Variants in PKNOX2 observed in about 807,000 individuals in gnomAD.
The protein encoded by PKNOX2 is homeobox protein PKNOX2.
PKNOX2 carries 14 observed loss-of-function variants against 53.1 expected under a neutral mutation model. The observed-to-expected ratio is 0.26, with a 90% CI of 0.17 to 0.41. The LOEUF (loss-of-function observed/expected upper bound fraction) is 0.41. PKNOX2 is among the 10% of genes least tolerant of loss of function. The pLI is 1.00. For missense variants in PKNOX2, 496 were observed against 602.8 expected, an observed-to-expected ratio of 0.82 and a Z score of 1.85; for synonymous variants, 257 against 242.8, an observed-to-expected ratio of 1.06 and a Z score of -0.54.
chr11:125,356,119 T>C (rs1424541783), intron 4 of PKNOX2, among the ~76,000 whole-genome samples: 3 of 150,586 alleles, frequency 2.0e-5, no homozygotes, highest in Non-Finnish European at 4.4e-5. Flanking sequence ...AAGACAAATA[T>C]TGTATCTGGT....
intron 7 of PKNOX2, among the ~76,000 whole-genome samples, chr11:125,402,474 C>T (rs895334312): frequency 1.3e-5 from 2 of 152,198 alleles, no homozygotes; most frequent in East Asian, 3.9e-4. Flanking sequence ...AGCCTCAGCT[C>T]TATTCCAGGC....
intron 10 of PKNOX2, among the ~76,000 whole-genome samples, chr11:125,415,354 G>A (rs982739309): frequency 3.4e-5 from 5 of 149,248 alleles, no homozygotes; most frequent in Non-Finnish European, 1.5e-5. Context: ...AAGTTCAAGC[G>A]ATTCTCCTGC....
intron 7 of PKNOX2, among the ~76,000 whole-genome samples, chr11:125,404,606 CACACAAACACACACATCACACACACACAA>C (rs896434343): frequency 1.3e-5 from 2 of 151,564 alleles, no homozygotes; most frequent in African/African-American, 4.9e-5. Flanking sequence ...CGCGGGCACA[CACACAAACACACACATCACACACACACAA>C]ACACACACAC....
chr11:125,174,891 C>A (rs1955592546), intron 1 of PKNOX2, among the ~76,000 whole-genome samples: 1 of 152,110 alleles, frequency 6.6e-6, no homozygotes, highest in Non-Finnish European at 1.5e-5. Context: ...TGGGAGGAGA[C>A]AACTGGTTTC....
intron 3 of PKNOX2, among the ~76,000 whole-genome samples, chr11:125,336,423 A>G (rs1048475028): frequency 4.0e-5 from 6 of 151,712 alleles, no homozygotes; most frequent in African/African-American, 1.5e-4. Context: ...AATTTGTATT[A>G]CTTTGATAAG....
intron 2 of PKNOX2, among the ~76,000 whole-genome samples, chr11:125,317,649 T>G (rs1478723696): frequency 1.3e-5 from 2 of 152,226 alleles, no homozygotes; most frequent in East Asian, 1.9e-4. Context: ...CTTAAAATAT[T>G]CAGTAAACCA....
rs112383764 is a variant in PKNOX2, at chr11:125,287,571, C to A, written c.-129-44248C>A. Among the ~76,000 whole-genome samples, 98 of 152,294 alleles carry A rather than the reference C, an allele frequency of 6.4e-4. 1 individual carries two copies. The highest frequency in any genetic ancestry group is 2.3e-3 in the African/African-American group (95 of 41,582). ...CCGTCTTTAGCTGGGGCAGTCACTC[C>A]CTCCCAGCTCCTTCCAAAGCTTAGG... is the stretch of plus-strand genomic sequence containing the variant. On this transcript the variant is annotated intron_variant, in intron 2 of 12. Transcript: ENST00000298282.
At chr11:125,262,833 G>A (rs898569265) in intron 2 of PKNOX2, among the ~76,000 whole-genome samples, 12 of 151,684 alleles carry the variant, frequency 7.9e-5, no homozygotes, top group Non-Finnish European at 1.3e-4. Flanking sequence ...TCTCCCATGC[G>A]TTCCCTCCTG....
intron 1 of PKNOX2, among the ~76,000 whole-genome samples, chr11:125,233,656 A>G (rs1942423390): frequency 6.6e-6 from 1 of 152,172 alleles, no homozygotes; most frequent in Admixed American, 6.5e-5. Flanking sequence ...ATGCAGGTGT[A>G]AGGAGACAGC....
chr11:125,236,514 TG>T (rs1164960602), intron 2 of PKNOX2, among the ~76,000 whole-genome samples: 1 of 152,124 alleles, frequency 6.6e-6, no homozygotes, highest in Non-Finnish European at 1.5e-5. Flanking sequence ...TGAACCTTAA[TG>T]AGAGCTGAGA....
At chr11:125,178,696 G>GAGAAAGAA (rs61132513) in intron 1 of PKNOX2, among the ~76,000 whole-genome samples, 15 of 70,108 alleles carry the variant, frequency 2.1e-4, no homozygotes, top group African/African-American at 6.0e-4. Context: ...GAGAGAGAGA[G>GAGAAAGAA]AGAAAGAAAG....
At chr11:125,228,654 G>A (rs1941931473) in intron 1 of PKNOX2, among the ~76,000 whole-genome samples, 1 of 152,202 alleles carries the variant, frequency 6.6e-6, no homozygotes, top group South Asian at 2.1e-4. Flanking sequence ...TATGTGGCCT[G>A]CTTTGCAAGT....
chr11:125,256,889 C>A (rs1016147960), intron 2 of PKNOX2, among the ~76,000 whole-genome samples: 1 of 152,162 alleles, frequency 6.6e-6, no homozygotes, highest in Non-Finnish European at 1.5e-5. Context: ...AACATCAAAG[C>A]TTTCCTTGTG....
chr11:125,236,100 TAA>T (rs1361732182), intron 2 of PKNOX2, among the ~76,000 whole-genome samples: 2 of 152,178 alleles, frequency 1.3e-5, no homozygotes, highest in Non-Finnish European at 2.9e-5. Context: ...CACCTCTGTG[TAA>T]AAATAGATTG....
At position 125,240,679 on chromosome 11, in the gene PKNOX2, T is replaced by C. The variant is rs958944060; in HGVS notation, c.-130+5564T>C. The stretch of plus-strand genomic sequence containing the variant: ...TCTGTGGTGCCTGTCACTTCCACCA[T>C]TACCCATTCTCAGATCCTTCTCAAA... On this transcript the variant is annotated intron_variant, in intron 2 of 12. Transcript: ENST00000298282. This position sits in a 1 kb window ranked among gnomAD's most constrained non-coding sequence, Gnocchi z 4.3. Among the ~76,000 whole-genome samples, 1 of 152,144 alleles carries C rather than the reference T, an allele frequency of 6.6e-6. No homozygotes were observed. The highest frequency in any genetic ancestry group is 1.5e-5 in the Non-Finnish European group (1 of 68,030).
At chr11:125,322,267 T>C (rs962619208) in intron 2 of PKNOX2, among the ~76,000 whole-genome samples, 2 of 151,784 alleles carry the variant, frequency 1.3e-5, no homozygotes, top group African/African-American at 4.8e-5. Flanking sequence ...GGTCCTAGGG[T>C]TTATTGTCAG....
intron 4 of PKNOX2, among the ~76,000 whole-genome samples, chr11:125,364,741 A>G (rs1453646692): frequency 2.0e-5 from 3 of 152,240 alleles, no homozygotes; most frequent in African/African-American, 7.2e-5. Context: ...TAGAGTTTCC[A>G]AAGCACTTTT....
chr11:125,256,090 C>T (rs1208231255), intron 2 of PKNOX2, among the ~76,000 whole-genome samples: 3 of 151,956 alleles, frequency 2.0e-5, no homozygotes, highest in Admixed American at 6.6e-5. Flanking sequence ...GCTGGGAAGA[C>T]GGTGGGGATG....
intron 4 of PKNOX2, among the ~76,000 whole-genome samples, chr11:125,365,850 G>A (rs777024721): frequency 2.0e-5 from 3 of 152,180 alleles, no homozygotes; most frequent in African/African-American, 4.8e-5. Context: ...CAAGCTTAAT[G>A]GTCATGTCAG....
Sources: allele counts gnomAD v4.1 joint callset (sites outside exome capture counted in the v4.1 genomes callset), GRCh38; gene constraint gnomAD v4.1.1; non-coding constraint Gnocchi (gnomAD v3.1); transcripts MANE v1.5; gene names NCBI Gene and HGNC (gene_info 2026-07-23, HGNC 2026-07-21).